Variants in ZNF395 observed in about 807,000 individuals in gnomAD.
The protein encoded by ZNF395 is HD gene regulatory region-binding protein 2.
Under a neutral mutation model 57.7 loss-of-function variants are expected in ZNF395, and 20 were observed. The observed-to-expected ratio is 0.35, with a 90% confidence interval of 0.24 to 0.50. ZNF395 has a LOEUF of 0.50. Ranked by LOEUF, ZNF395 falls within the 20% of genes least tolerant of loss-of-function variation. ZNF395 has a pLI of 0.97. For missense variants in ZNF395, 606 were observed against 671.2 expected (o/e 0.90, Z 1.07); for synonymous variants, 295 against 275.9 (o/e 1.07, Z -0.69).
Position 28,352,526 on chromosome 8 carries a change from G to A in ZNF395, c.920+47C>T. ...TCACAGGGACTCGGCAGGGTGGAGG[G>A]ACACCCACACGCGACCCTAGGCTAG... is the stretch of plus-strand genomic sequence containing the variant. On this transcript the variant is annotated intron_variant, in intron 6 of 9. Coordinates refer to ENST00000344423, the MANE Select transcript of ZNF395 (RefSeq NM_018660.3). This position sits in a 1 kb window ranked among gnomAD's most constrained non-coding sequence, Gnocchi z 4.0. 1.3e-6 allele frequency: 2 copies of A among 1,547,208 alleles called. No individual in the cohort carries two copies. The highest frequency in any genetic ancestry group is 1.8e-6 in the Non-Finnish European group (2 of 1,121,664).
chr8:28,368,716 TGA>T (rs1459307335), intron 1 of ZNF395, among the ~76,000 whole-genome samples: 1 of 145,330 alleles, frequency 6.9e-6, no homozygotes, highest in Non-Finnish European at 1.5e-5. Context: ...AACACAGACG[TGA>T]GAGTTTTAAA....
rs1801591426 is a variant in ZNF395 at position 28,345,741 on chromosome 8, G to C, written c.*2978C>G. ...AAGGCGCCAATAAGACAAACTCACA[G>C]ATGGGATTTATCTCCCTCTTGCTTT... is the stretch of plus-strand genomic sequence containing the variant. On this transcript the variant is annotated 3_prime_UTR_variant, in exon 10 of 10. Transcript: ENST00000344423. The C allele has an allele frequency of 6.8e-6, 1 of 146,944 alleles. No individual in the cohort carries two copies. Among genetic ancestry groups the C allele is most frequent in the Non-Finnish European group, 1.5e-5 (1 of 67,294 alleles). The allele number at this position is 146,944 out of a possible 1,614,324, so 9.1% of individuals were successfully genotyped here.
Position 28,356,725 on chromosome 8 carries a change from G to A in ZNF395, c.528C>T (p.Ser176=), listed in dbSNP as rs772956100. ...TCTGTACAACAGGGCTGCAGGACAG[G>A]GACGTCAGCACCATGGCCGCCATCA... The part of the protein sequence containing the change: ...DEMMAAMVLT[S]LSCSPVVQSP... Residue 176 remains serine (S), a synonymous_variant, in exon 4 of 10, where the codon TCC becomes TCT. Transcript: ENST00000344423. The surrounding 1 kb of genome is among the most constrained non-coding windows in gnomAD (Gnocchi z 4.0). 1 of 1,614,090 alleles carries A rather than the reference G, an allele frequency of 6.2e-7. No individual in the cohort carries two copies. Among genetic ancestry groups the A allele is most frequent in the African/African-American group, 1.3e-5 (1 of 74,936 alleles).
In ZNF395 at chr8:28,359,401, C is replaced by CA. The variant is rs898312258; in HGVS notation, c.473+190dup. ...TAGGTGAGAGAGTGAGACTCCGTCT[C>CA]AAAAAAAGAAAGAAAAGATGCCACT... On this transcript the variant is annotated intron_variant, in intron 3 of 9. Transcript: ENST00000344423. This position sits in a 1 kb window ranked among gnomAD's most constrained non-coding sequence, Gnocchi z 4.7. Among the ~76,000 whole-genome samples the CA allele has an allele frequency of 6.6e-6, 1 of 152,018 alleles. No individual in the cohort carries two copies. Among genetic ancestry groups the CA allele is most frequent in the Non-Finnish European group, 1.5e-5 (1 of 67,994 alleles).
chr8:28,352,450 CA>C lies in ZNF395; in HGVS notation c.920+122del, dbSNP rs1417120965. The C allele has an allele frequency of 1.3e-6, 1 of 745,160 alleles. No individual in the cohort carries two copies. Among genetic ancestry groups the C allele is most frequent in the East Asian group, 2.6e-5 (1 of 38,896 alleles). The allele number at this position is 745,160 out of a possible 1,614,324, so 46.2% of individuals were successfully genotyped here. On this transcript the variant is annotated intron_variant, in intron 6 of 9. Coordinates refer to ENST00000344423, the MANE Select transcript of ZNF395 (RefSeq NM_018660.3). The surrounding 1 kb of genome is among the most constrained non-coding windows in gnomAD (Gnocchi z 4.0). The stretch of plus-strand genomic sequence containing the variant: ...TTCTCAGGGGGCCAGGAAGAGACAC[CA>C]GGGGGTGTTCCCAGCAAGCCACGTT...
At chr8:28,386,132 C>G (rs1340650059) in intron 1 of ZNF395, 2 of 147,648 alleles carry the variant, frequency 1.4e-5, no homozygotes, top group Admixed American at 6.7e-5. Context: ...GCCCGCGGCC[C>G]GGCTCCGCTC....
chr8:28,379,083 G>A (rs773656991), intron 1 of ZNF395, among the ~76,000 whole-genome samples: 1 of 152,092 alleles, frequency 6.6e-6, no homozygotes, highest in Non-Finnish European at 1.5e-5. Flanking sequence ...GGTTGTATTC[G>A]AACACCAGGA....
intron 4 of ZNF395, among the ~76,000 whole-genome samples, chr8:28,354,875 T>A (rs531461743): frequency 6.6e-6 from 1 of 151,270 alleles, no homozygotes; most frequent in Admixed American, 6.6e-5. Context: ...ACATCTAGGA[T>A]GCTCAGGACT....
chr8:28,354,506 CAT>C (rs1188732884), intron 4 of ZNF395, among the ~76,000 whole-genome samples: 2 of 152,206 alleles, frequency 1.3e-5, no homozygotes, highest in Non-Finnish European at 2.9e-5. Flanking sequence ...TCCTCTTGCT[CAT>C]AGTCCAGACT....
At chr8:28,349,004 G>A (rs1444894816) in intron 9 of ZNF395, 121 bp downstream of exon 9, 8 of 1,166,654 alleles carry the variant, frequency 6.9e-6, no homozygotes, top group African/African-American at 3.1e-5. Context: ...TGGTGCATCC[G>A]CCATCTGGGC....
At chr8:28,353,474 G>T in intron 4 of ZNF395, 66 bp from the exon 5 acceptor site, 1 of 1,286,440 alleles carries the variant, frequency 7.8e-7, no homozygotes, top group East Asian at 2.5e-5. Flanking sequence ...TCTCCCTTCT[G>T]AGCTTCGGTA....
chr8:28,361,245 TAAAA>T, intron 1 of ZNF395, 63 bp from the exon 2 acceptor site: 2 of 1,396,544 alleles, frequency 1.4e-6, no homozygotes, highest in Non-Finnish European at 2.0e-6. Flanking sequence ...AAGGGTCTAC[TAAAA>T]TAAGTGAACC....
At chr8:28,385,763 C>T (rs1316293042) in intron 1 of ZNF395, among the ~76,000 whole-genome samples, 1 of 147,838 alleles carries the variant, frequency 6.8e-6, no homozygotes, top group Non-Finnish European at 1.5e-5. Context: ...GAGGGGGCTC[C>T]GAGAGTGGGG....
rs1801637941 is a variant in ZNF395, at chr8:28,348,660, T to C, written c.*59A>G. 3.4e-6 allele frequency: 5 copies of C among 1,469,056 alleles called. No homozygotes were observed. Among genetic ancestry groups the C allele is most frequent in the African/African-American group, 1.4e-5 (1 of 72,492 alleles). The allele number at this position is 1,469,056 out of a possible 1,614,324, so 91.0% of individuals were successfully genotyped here. A position where few individuals can be genotyped will look rare whatever the true frequency, so the allele number is the denominator to read the frequency against. On this transcript the variant is annotated 3_prime_UTR_variant, in exon 10 of 10. Transcript: ENST00000344423. ...TTTCTGCTGAGGGCTGGTGACACAC[T>C]GGCCTCTTGTCAGTGGCTGCCGGCA...
intron 1 of ZNF395, among the ~76,000 whole-genome samples, chr8:28,375,997 T>G (rs1016635785): frequency 2.0e-5 from 3 of 152,130 alleles, no homozygotes; most frequent in African/African-American, 7.2e-5. Context: ...GTTTTTCTTT[T>G]TATTTTCTTT....
intron 1 of ZNF395, among the ~76,000 whole-genome samples, chr8:28,372,147 A>G (rs1043883367): frequency 5.9e-5 from 9 of 152,178 alleles, no homozygotes; most frequent in African/African-American, 2.2e-4. Flanking sequence ...CAAAATGAGA[A>G]AAAGTATTGA....
chr8:28,379,807 C>T (rs1201366153), intron 1 of ZNF395, among the ~76,000 whole-genome samples: 3 of 133,856 alleles, frequency 2.2e-5, no homozygotes, highest in African/African-American at 1.1e-4. Context: ...CTGTGGAATA[C>T]ATACACAACT....
In ZNF395 at chr8:28,382,714, T is replaced by G. The variant is rs1327466585; in HGVS notation, c.-59+3679A>C. Among the ~76,000 whole-genome samples the G allele has an allele frequency of 6.6e-5, 10 of 152,222 alleles. No homozygotes were observed. The East Asian group carries it at 1.9e-3, about 29-fold the overall frequency. ...GAGACTGTAAGTCTTCCACCCTTCC[T>G]CATGCTTTCTTCCACCTTCAGTACT... On this transcript the variant is annotated intron_variant, in intron 1 of 9. Transcript: ENST00000344423.
intron 1 of ZNF395, among the ~76,000 whole-genome samples, chr8:28,381,014 A>AGTGTGT (rs10561721): frequency 0.084 from 11,221 of 134,116 alleles, 590 homozygotes; most frequent in Non-Finnish European, 0.11. Flanking sequence ...ACACCCTGCT[A>AGTGTGT]GTGTGTGTGT....
Sources: allele counts gnomAD v4.1 joint callset (sites outside exome capture counted in the v4.1 genomes callset), GRCh38; gene constraint gnomAD v4.1.1; non-coding constraint Gnocchi (gnomAD v3.1); transcripts MANE v1.5; gene names NCBI Gene and HGNC (gene_info 2026-07-23, HGNC 2026-07-21).